Variants in CDH13 observed in about 807,000 individuals in gnomAD.
CDH13 encodes the protein cadherin-13.
In CDH13, 24 loss-of-function variants were observed where a neutral mutation model predicts 63.8. The ratio of observed to expected loss-of-function variants is 0.38; its 90% CI spans 0.27 to 0.53. The LOEUF (loss-of-function observed/expected upper bound fraction) is 0.53. CDH13 is among the 20% of genes least tolerant of loss of function. The pLI is 0.85. For synonymous variants in CDH13, 503 were observed against 355.3 expected, an observed-to-expected ratio of 1.42 and a Z score of -4.67; for missense variants, 1,049 against 903.1, an observed-to-expected ratio of 1.16 and a Z score of -2.07.
At chr16:82,687,853 T>G (rs933127305) in intron 1 of CDH13, among the ~76,000 whole-genome samples, 4 of 151,736 alleles carry the variant, frequency 2.6e-5, no homozygotes, top group African/African-American at 9.7e-5. Context: ...TCCTCGGGGG[T>G]AGGAGCAGAG....
chr16:82,965,772 C>T (rs1439468472), intron 2 of CDH13, among the ~76,000 whole-genome samples: 4 of 152,190 alleles, frequency 2.6e-5, no homozygotes, highest in African/African-American at 9.7e-5. Context: ...GGATTACAGG[C>T]ATGAGCCACT....
chr16:83,258,534 G>C (rs1167548769), intron 5 of CDH13, among the ~76,000 whole-genome samples: 2 of 152,158 alleles, frequency 1.3e-5, no homozygotes, highest in South Asian at 2.1e-4. Context: ...GAAAGATTGG[G>C]TACACAGTGT....
At chr16:83,647,036 C>A (rs574818982) in intron 8 of CDH13, among the ~76,000 whole-genome samples, 1 of 152,054 alleles carries the variant, frequency 6.6e-6, no homozygotes, top group Non-Finnish European at 1.5e-5. Context: ...ATCGGCCAGG[C>A]GCGGTGGCTC....
chr16:83,433,164 C>T (rs1299860175), intron 6 of CDH13, among the ~76,000 whole-genome samples: 1 of 152,204 alleles, frequency 6.6e-6, no homozygotes, highest in East Asian at 1.9e-4. Flanking sequence ...AAGTCCCCGT[C>T]TTCCTGGAAC....
chr16:83,493,485 C>T (rs945947154), intron 7 of CDH13, among the ~76,000 whole-genome samples: 19 of 152,174 alleles, frequency 1.2e-4, no homozygotes, highest in Non-Finnish European at 1.8e-4. Flanking sequence ...CGACAGCACA[C>T]GCATGCAAAG....
Position 82,929,651 on chromosome 16 carries a change from C to CAAAAAAAAAAAAAAAAAAAA in CDH13, c.157+71191_157+71210dup, listed in dbSNP as rs71146097. On this transcript the variant is annotated intron_variant, in intron 2 of 13. Transcript: ENST00000567109. ...TGGGGGACAGAGTGAGACTCCATCT[C>CAAAAAAAAAAAAAAAAAAAA]AAAAAAAAAAAAAAAAAAAAAAAAA... Among the ~76,000 whole-genome samples the CAAAAAAAAAAAAAAAAAAAA allele has an allele frequency of 7.7e-4, 34 of 44,280 alleles. 1 individual carries two copies. The highest frequency in any genetic ancestry group is 2.6e-3 in the African/African-American group (18 of 6,958). The allele number at this position is 44,280 out of a possible 152,430, so 29.0% of individuals were successfully genotyped here.
intron 7 of CDH13, among the ~76,000 whole-genome samples, chr16:83,498,327 G>A (rs966120351): frequency 1.3e-5 from 2 of 152,180 alleles, no homozygotes; most frequent in Admixed American, 1.3e-4. Flanking sequence ...CCTGTCTCTA[G>A]AGGCTCCAAA....
At chr16:82,888,051 C>G (rs1267722178) in intron 2 of CDH13, among the ~76,000 whole-genome samples, 1 of 152,120 alleles carries the variant, frequency 6.6e-6, no homozygotes, top group Non-Finnish European at 1.5e-5. Flanking sequence ...TTTACTTGCT[C>G]ATCTTGGTGG....
chr16:83,745,654 T>G (rs1912509249), intron 10 of CDH13, among the ~76,000 whole-genome samples: 1 of 152,154 alleles, frequency 6.6e-6, no homozygotes, highest in Non-Finnish European at 1.5e-5. Context: ...ACAACCCAAG[T>G]TGACCATCCC....
chr16:83,267,605 C>T (rs559920298), intron 5 of CDH13, among the ~76,000 whole-genome samples: 4 of 152,160 alleles, frequency 2.6e-5, no homozygotes, highest in Admixed American at 6.5e-5. Flanking sequence ...TGTTTGTTAC[C>T]GCGGGAGTGG....
chr16:83,178,242 G>T (rs1466397807), intron 4 of CDH13, among the ~76,000 whole-genome samples: 2 of 152,136 alleles, frequency 1.3e-5, no homozygotes, highest in Non-Finnish European at 2.9e-5. Flanking sequence ...ATAAAAGGAT[G>T]TTTAATGCAC....
intron 4 of CDH13, among the ~76,000 whole-genome samples, chr16:83,156,190 A>C (rs2037200366): frequency 6.6e-6 from 1 of 152,098 alleles, no homozygotes; most frequent in South Asian, 2.1e-4. Flanking sequence ...GAATAACCAA[A>C]CTCCTTGAGT....
chr16:83,451,513 C>CTT (rs1467741507), intron 6 of CDH13, among the ~76,000 whole-genome samples: 1 of 151,956 alleles, frequency 6.6e-6, no homozygotes, highest in East Asian at 1.9e-4. Context: ...CTCTTTTTTT[C>CTT]TTTTGTTTTT....
chr16:83,421,901 A>G (rs2071727142), intron 6 of CDH13, among the ~76,000 whole-genome samples: 1 of 152,232 alleles, frequency 6.6e-6, no homozygotes. Flanking sequence ...TTCTCATGAA[A>G]GCAGGAAACA....
chr16:83,779,691 A>G (rs1231510092), intron 11 of CDH13, among the ~76,000 whole-genome samples: 1 of 151,856 alleles, frequency 6.6e-6, no homozygotes, highest in African/African-American at 2.4e-5. Context: ...CTTAGATGTA[A>G]ATGCTAAAAA....
At chr16:83,570,374 C>T (rs934729029) in intron 7 of CDH13, among the ~76,000 whole-genome samples, 6 of 152,112 alleles carry the variant, frequency 3.9e-5, no homozygotes, top group Non-Finnish European at 5.9e-5. Context: ...ACACTTGTCT[C>T]GGATGTGACT....
intron 1 of CDH13, among the ~76,000 whole-genome samples, chr16:82,656,969 TCA>T (rs1462330316): frequency 6.6e-6 from 1 of 151,210 alleles, no homozygotes; most frequent in East Asian, 1.9e-4. Flanking sequence ...TCTGGATGTA[TCA>T]CAGTTTATCC....
chr16:83,426,884 A>G (rs2071920319), intron 6 of CDH13, among the ~76,000 whole-genome samples: 1 of 144,002 alleles, frequency 6.9e-6, no homozygotes, highest in Non-Finnish European at 1.5e-5. Context: ...CCTAATTCTC[A>G]GAATCTATAA....
At chr16:83,535,889 A>T in intron 7 of CDH13, among the ~76,000 whole-genome samples, 1 of 151,632 alleles carries the variant, frequency 6.6e-6, no homozygotes, top group Non-Finnish European at 1.5e-5. Context: ...GAGAAAGAGA[A>T]ACAAAGAAAA....
Sources: allele counts gnomAD v4.1 joint callset (sites outside exome capture counted in the v4.1 genomes callset), GRCh38; gene constraint gnomAD v4.1.1; transcripts MANE v1.5; gene names NCBI Gene and HGNC (gene_info 2026-07-23, HGNC 2026-07-21).